The following PLOD1 variants were observed in gnomAD, a reference collection of about 807,000 sequenced individuals.
PLOD1 encodes the protein procollagen-lysine,2-oxoglutarate 5-dioxygenase 1, also known as lysine hydroxylase.
Under a neutral mutation model 94.7 loss-of-function variants are expected in PLOD1, and 70 were observed. That is an observed-to-expected ratio of 0.74 (90% CI 0.61 to 0.90). The LOEUF (loss-of-function observed/expected upper bound fraction) is 0.90. Ranked by LOEUF, PLOD1 falls within the 40% of genes least tolerant of loss-of-function variation. The probability of loss-of-function intolerance (pLI) is 0.00; values close to 1 mark genes in which losing one functional copy is unlikely to be tolerated. For synonymous variants in PLOD1, 417 were observed against 400.2 expected (o/e 1.04, Z -0.50); for missense variants, 905 against 972.7 (o/e 0.93, Z 0.93).
chr1:11,947,166 G>A (rs1351019192), intron 1 of PLOD1, among the ~76,000 whole-genome samples: 1 of 152,104 alleles, frequency 6.6e-6, no homozygotes, highest in African/African-American at 2.4e-5. Flanking sequence ...CTACTCAGGA[G>A]GCGGAGGTTG....
At position 11,972,459 on chromosome 1, in the gene PLOD1, G is replaced by T; in HGVS notation, c.1903-413G>T. ...GTAGAGATGGGGTTTCACCATGTTG[G>T]CCAGGCTGGTCTCAAACTCCTGACC... On this transcript the variant is annotated intron_variant, in intron 17 of 18. Transcript: ENST00000196061. This position sits in a 1 kb window ranked among gnomAD's most constrained non-coding sequence, Gnocchi z 4.6. 1 of 206,280 alleles carries T rather than the reference G, an allele frequency of 4.8e-6. No individual in the cohort carries two copies. The highest frequency in any genetic ancestry group is 1.0e-5 in the Non-Finnish European group (1 of 99,662). The allele number at this position is 206,280 out of a possible 1,614,324, so 12.8% of individuals were successfully genotyped here.
At chr1:11,943,788 C>T (rs919216186) in intron 1 of PLOD1, among the ~76,000 whole-genome samples, 2 of 152,230 alleles carry the variant, frequency 1.3e-5, no homozygotes, top group African/African-American at 4.8e-5. Flanking sequence ...CTGGGCAGTG[C>T]ATGCATTTAG....
intron 13 of PLOD1, among the ~76,000 whole-genome samples, chr1:11,965,112 C>A (rs1396743364): frequency 1.3e-5 from 2 of 151,760 alleles, no homozygotes; most frequent in Non-Finnish European, 2.9e-5. Context: ...AGAGACACCT[C>A]ACCCTGTCTC....
chr1:11,964,700 T>C lies in PLOD1; in HGVS notation c.1385T>C (p.Leu462Pro). Residue 462 changes from leucine (L) to proline (P), a missense_variant, in exon 13 of 19, where the codon CTG becomes CCG. Transcript: ENST00000196061. The stretch of plus-strand genomic sequence containing the variant: ...ATCTACTTGATCAAGGGCAGTGCCC[T>C]GCGGGGTGAGCTGCAGTCCTCAGAT... ...SNIYLIKGSALRGELQSSDLF... is the reference protein window; with the variant it reads ...SNIYLIKGSAPRGELQSSDLF... The C allele has an allele frequency of 1.2e-6, 2 of 1,613,464 alleles. No individual in the cohort carries two copies. Among genetic ancestry groups the C allele is most frequent in the Non-Finnish European group, 1.7e-6 (2 of 1,179,854 alleles).
At chr1:11,954,667 G>A (rs1254325096) in intron 5 of PLOD1, 163 bp from the exon 6 acceptor site, 6 of 773,890 alleles carry the variant, frequency 7.8e-6, no homozygotes, top group South Asian at 2.7e-5. Context: ...GAGCTTGGCT[G>A]CTGGCCTTCT....
Position 11,960,987 on chromosome 1 carries a change from T to C in PLOD1, c.1097+220T>C, listed in dbSNP as rs59578134. On this transcript the variant is annotated intron_variant, in intron 10 of 18. Transcript: ENST00000196061. ...CCTGGGCAGGGCTGAGCCATGTTAT[T>C]TGGGTTCAGGAAGCAAATCAGAGAA... Among the ~76,000 whole-genome samples the C allele has an allele frequency of 0.16, 24,808 of 151,944 alleles. 3,190 individuals are homozygous for C. The highest frequency in any genetic ancestry group is 0.36 in the African/African-American group (14,723 of 41,392).
intron 1 of PLOD1, among the ~76,000 whole-genome samples, chr1:11,936,658 G>A (rs543103895): frequency 6.6e-6 from 1 of 152,034 alleles, no homozygotes; most frequent in South Asian, 2.1e-4. Context: ...AAGTAGCTGG[G>A]ATTACAGGCC....
In PLOD1 at chr1:11,972,640, C is replaced by A. The variant is rs1645874330; in HGVS notation, c.1903-232C>A. The A allele has an allele frequency of 3.9e-6, 2 of 507,322 alleles. No individual in the cohort carries two copies. The highest frequency in any genetic ancestry group is 7.2e-6 in the Non-Finnish European group (2 of 277,032). The allele number at this position is 507,322 out of a possible 1,614,324, so 31.4% of individuals were successfully genotyped here. A position where few individuals can be genotyped will look rare whatever the true frequency, so the allele number is the denominator to read the frequency against. ...CTCCCTCCCTTCCTTTCTTCCTTCC[C>A]CTCTGTTCTCTTCCTTCCCTCCCTC... On this transcript the variant is annotated intron_variant, in intron 17 of 18. Transcript: ENST00000196061. This position sits in a 1 kb window ranked among gnomAD's most constrained non-coding sequence, Gnocchi z 4.6.
rs1020451692 is a variant in PLOD1, at chr1:11,963,098, C to T, written c.1098-434C>T. ...GAAAAACATAAAGCTGTTCTTAGCC[C>T]ATGAGCTGTACAAAACCAGGCAGGG... On this transcript the variant is annotated intron_variant, in intron 10 of 18. Coordinates refer to ENST00000196061, the MANE Select transcript of PLOD1 (RefSeq NM_000302.4). The surrounding 1 kb of genome is among the most constrained non-coding windows in gnomAD (Gnocchi z 4.3). Among the ~76,000 whole-genome samples the T allele has an allele frequency of 6.6e-5, 10 of 152,192 alleles. No homozygotes were observed. The highest frequency in any genetic ancestry group is 2.0e-4 in the Admixed American group (3 of 15,282).
At position 11,967,640 on chromosome 1, in the gene PLOD1, TTA is replaced by T. The variant is rs1258606958; in HGVS notation, c.1755+567_1755+568del. 8.0e-3 allele frequency among the ~76,000 whole-genome samples: 888 copies of T among 111,654 alleles called. 19 individuals carry two copies. The highest frequency in any genetic ancestry group is 0.031 in the African/African-American group (796 of 25,512). The allele number at this position is 111,654 out of a possible 152,430, so 73.2% of individuals were successfully genotyped here. Reference sequence around the variant, plus strand: ...AAAAAGAAATATATATAGATTTTATTTATATATATATATATATATTTTTTTTA... The same window carrying T: ...AAAAAGAAATATATATAGATTTTATTTATATATATATATATATTTTTTTTA... On this transcript the variant is annotated intron_variant, in intron 16 of 18. Coordinates refer to ENST00000196061, the MANE Select transcript of PLOD1 (RefSeq NM_000302.4).
intron 1 of PLOD1, among the ~76,000 whole-genome samples, chr1:11,941,681 A>C (rs921897658): frequency 1.3e-5 from 2 of 151,984 alleles, no homozygotes; most frequent in Non-Finnish European, 2.9e-5. Flanking sequence ...ACGGGGTTTC[A>C]TCACATTGGT....
At chr1:11,953,870 T>C (rs1645720182) in intron 5 of PLOD1, among the ~76,000 whole-genome samples, 1 of 151,674 alleles carries the variant, frequency 6.6e-6, no homozygotes, top group Non-Finnish European at 1.5e-5. Flanking sequence ...TGTAGAATAG[T>C]TTATTTATTT....
chr1:11,958,676 CAT>C lies in PLOD1; in HGVS notation c.975+30_975+31del, dbSNP rs1645757044. The C allele has an allele frequency of 6.2e-7, 1 of 1,613,528 alleles. No individual in the cohort carries two copies. Among genetic ancestry groups the C allele is most frequent in the Non-Finnish European group, 8.5e-7 (1 of 1,179,944 alleles). Reference sequence around the variant, plus strand: ...AGTAACAGGCGCTCTGTGGGGTCGTCATGTGGCTTAGATCCAGGGCCCAGCTT... The same window carrying C: ...AGTAACAGGCGCTCTGTGGGGTCGTCGTGGCTTAGATCCAGGGCCCAGCTT... On this transcript the variant is annotated intron_variant, in intron 9 of 18. Coordinates refer to ENST00000196061, the MANE Select transcript of PLOD1 (RefSeq NM_000302.4). The surrounding 1 kb of genome is among the most constrained non-coding windows in gnomAD (Gnocchi z 4.3).
Position 11,958,567 on chromosome 1 carries a change from C to A in PLOD1, c.895C>A (p.Pro299Thr). 6.2e-7 allele frequency: 1 copy of A among 1,614,094 alleles called. No individual in the cohort carries two copies. The highest frequency in any genetic ancestry group is 8.5e-7 in the Non-Finnish European group (1 of 1,179,996). ...LVGVFIEQPTPFVSLFFQRLL... is the reference protein window; with the variant it reads ...LVGVFIEQPTTFVSLFFQRLL... Reference sequence around the variant, plus strand: ...CGGCGTGTTCATCGAACAGCCCACGCCGTTTGTGTCCCTGTTCTTCCAGCG... The same window carrying A: ...CGGCGTGTTCATCGAACAGCCCACGACGTTTGTGTCCCTGTTCTTCCAGCG... The change falls in exon 9 of 19, where the codon CCG (proline) becomes ACG (threonine). Residue 299 changes from proline to threonine, a missense_variant. Transcript: ENST00000196061. This position sits in a 1 kb window ranked among gnomAD's most constrained non-coding sequence, Gnocchi z 4.3.
chr1:11,953,816 T>C (rs1032738076), intron 5 of PLOD1, among the ~76,000 whole-genome samples: 1 of 151,652 alleles, frequency 6.6e-6, no homozygotes, highest in Non-Finnish European at 1.5e-5. Flanking sequence ...ATAATGATAA[T>C]ACTTTCTCAC....
chr1:11,958,933 G>A lies in PLOD1; in HGVS notation c.975+286G>A, dbSNP rs1269789661. Among the ~76,000 whole-genome samples the A allele has an allele frequency of 6.6e-6, 1 of 152,146 alleles. No individual in the cohort carries two copies. The highest frequency in any genetic ancestry group is 2.4e-5 in the African/African-American group (1 of 41,434). ...TAAAATAGGCATAAAAGTCGGGCGC[G>A]GTGGCTCATGCCTGTAATCCCAGCA... On this transcript the variant is annotated intron_variant, in intron 9 of 18. Transcript: ENST00000196061. This position sits in a 1 kb window ranked among gnomAD's most constrained non-coding sequence, Gnocchi z 4.3.
chr1:11,942,978 G>T (rs1479542306), intron 1 of PLOD1, among the ~76,000 whole-genome samples: 3 of 150,194 alleles, frequency 2.0e-5, no homozygotes, highest in Non-Finnish European at 3.0e-5. Flanking sequence ...TTGTTTGTTT[G>T]GTTTTTTGTT....
chr1:11,944,989 A>G (rs1424451105), intron 1 of PLOD1, among the ~76,000 whole-genome samples: 2 of 152,226 alleles, frequency 1.3e-5, no homozygotes, highest in African/African-American at 4.8e-5. Context: ...ACCCAGGGAA[A>G]CAATGATGAG....
chr1:11,947,848 T>C, intron 1 of PLOD1, 128 bp from the exon 2 acceptor site: 1 of 713,736 alleles, frequency 1.4e-6, no homozygotes, highest in East Asian at 2.6e-5. Context: ...CCCTGGGCCC[T>C]GTTCTGTAAT....
Sources: allele counts gnomAD v4.1 joint callset (sites outside exome capture counted in the v4.1 genomes callset), GRCh38; gene constraint gnomAD v4.1.1; non-coding constraint Gnocchi (gnomAD v3.1); transcripts MANE v1.5; gene names NCBI Gene and HGNC (gene_info 2026-07-23, HGNC 2026-07-21).